PLS3: variants seen among roughly 807,000 people sequenced by gnomAD.
PLS3 encodes plastin-3.
A neutral mutation model predicts 46.5 loss-of-function variants in PLS3; 11 were observed. The observed-to-expected ratio is 0.24, with a 90% CI of 0.15 to 0.39. PLS3 has a LOEUF of 0.39. Ranked by LOEUF, PLS3 falls within the 10% of genes least tolerant of loss-of-function variation. PLS3 has a pLI of 1.00. For missense variants in PLS3, 308 were observed against 461.8 expected (o/e 0.67, Z 3.05); for synonymous variants, 167 against 162.2 (o/e 1.03, Z -0.22).
At chrX:115,566,542 CTGTG>C (rs2074174202) in intron 1 of PLS3, among the ~76,000 whole-genome samples, 1 of 110,716 alleles carries the variant, frequency 9.0e-6, no homozygotes, top group Non-Finnish European at 1.9e-5. Flanking sequence ...GCGCCCGCCA[CTGTG>C]CCCAGCTAGT....
chrX:115,601,464 A>G (rs1192462033), intron 1 of PLS3, among the ~76,000 whole-genome samples: 2 of 97,099 alleles, frequency 2.1e-5, no homozygotes, highest in African/African-American at 9.5e-5. Flanking sequence ...GATCTGATAA[A>G]AAAAAAAAAA....
chrX:115,636,361 C>T (rs2061473936), intron 7 of PLS3, among the ~76,000 whole-genome samples: 1 of 109,878 alleles, frequency 9.1e-6, no homozygotes, highest in Non-Finnish European at 1.9e-5. Context: ...CGCCCGCCAC[C>T]ACGCCCGGCT....
chrX:115,645,935 G>A (rs2147585148), intron 11 of PLS3, 137 bp from the exon 12 acceptor site: 2 of 466,285 alleles, frequency 4.3e-6, no homozygotes, highest in Non-Finnish European at 3.8e-6. Flanking sequence ...TTTCAGCACA[G>A]ATTGATAGAA....
At chrX:115,586,485 A>G (rs1367418417) in intron 1 of PLS3, among the ~76,000 whole-genome samples, 1 of 100,193 alleles carries the variant, frequency 1.0e-5, no homozygotes, top group Non-Finnish European at 2.0e-5. Flanking sequence ...CCTGGCCAAC[A>G]TAGTGAAACC....
At chrX:115,584,340 C>CA (rs2074295470) in intron 1 of PLS3, among the ~76,000 whole-genome samples, 1 of 111,524 alleles carries the variant, frequency 9.0e-6, no homozygotes, top group African/African-American at 3.3e-5. Flanking sequence ...ACAAAACAGA[C>CA]AAAAAATCAC....
chrX:115,600,534 C>T (rs782020554), intron 1 of PLS3, among the ~76,000 whole-genome samples: 3 of 112,145 alleles, frequency 2.7e-5, no homozygotes, highest in African/African-American at 6.5e-5. Flanking sequence ...TGAAATGAGA[C>T]TTGCAAAGCA....
chrX:115,638,158 T>G (rs963550447), intron 8 of PLS3, among the ~76,000 whole-genome samples: 2 of 111,023 alleles, frequency 1.8e-5, no homozygotes, highest in Non-Finnish European at 3.8e-5. Flanking sequence ...TCACTCAGGC[T>G]GGAGTGCAGT....
At chrX:115,599,658 A>C (rs782720549) in intron 1 of PLS3, among the ~76,000 whole-genome samples, 112 of 99,194 alleles carry the variant, frequency 1.1e-3, no homozygotes, top group African/African-American at 4.2e-3. Flanking sequence ...TTTGAGGTGG[A>C]GTCTTGCTGT....
intron 2 of PLS3, chrX:115,621,989 T>A: frequency 3.6e-6 from 1 of 279,558 alleles, no homozygotes; most frequent in East Asian, 6.7e-5. Flanking sequence ...ATTAGCCAAC[T>A]ATGCTTCCTT....
At chrX:115,574,341 C>T (rs782691675) in intron 1 of PLS3, among the ~76,000 whole-genome samples, 40 of 111,989 alleles carry the variant, frequency 3.6e-4, no homozygotes, top group Middle Eastern at 4.6e-3. Context: ...ATCAGGAAAT[C>T]AGTGATTTAT....
At chrX:115,597,275 A>G (rs1556634014) in intron 1 of PLS3, among the ~76,000 whole-genome samples, 1 of 111,861 alleles carries the variant, frequency 8.9e-6, no homozygotes, top group African/African-American at 3.3e-5. Context: ...TAACTTTGCA[A>G]ATAACTCTTC....
chrX:115,643,676 G>T (rs2074920804), intron 10 of PLS3, among the ~76,000 whole-genome samples, 168 bp downstream of exon 10: 1 of 112,275 alleles, frequency 8.9e-6, no homozygotes, highest in African/African-American at 3.2e-5. Flanking sequence ...AACTTTTAAA[G>T]TAAAGTAGTC....
intron 1 of PLS3, among the ~76,000 whole-genome samples, chrX:115,563,053 TCTTA>T (rs2074149854): frequency 9.0e-6 from 1 of 111,530 alleles, no homozygotes; most frequent in Non-Finnish European, 1.9e-5. Context: ...TTAAAAAACA[TCTTA>T]CTAATTATTT....
chrX:115,646,567 T>C (rs184685733), intron 13 of PLS3, 32 bp downstream of exon 13: 15 of 1,163,665 alleles, frequency 1.3e-5, no homozygotes, highest in Middle Eastern at 2.4e-4. Flanking sequence ...GTTTAGTCTT[T>C]ACTATCATAC....
intron 5 of PLS3, among the ~76,000 whole-genome samples, chrX:115,631,183 G>A (rs2074771264): frequency 9.5e-6 from 1 of 105,820 alleles, no homozygotes; most frequent in African/African-American, 3.5e-5. Context: ...AGCCTCCTGA[G>A]TAGCTGGGAC....
At chrX:115,613,137 T>C (rs2074562594) in intron 2 of PLS3, among the ~76,000 whole-genome samples, 1 of 111,991 alleles carries the variant, frequency 8.9e-6, no homozygotes, top group South Asian at 3.7e-4. Flanking sequence ...GTTGCTTTAG[T>C]ACTGCAAACA....
At chrX:115,640,080 CT>C in intron 8 of PLS3, 1 of 1,104,512 alleles carries the variant, frequency 9.1e-7, no homozygotes, top group Non-Finnish European at 1.2e-6. Flanking sequence ...TGCTCTCCTA[CT>C]TTTTTAAATG....
intron 1 of PLS3, among the ~76,000 whole-genome samples, chrX:115,568,014 T>C (rs1338668735): frequency 8.9e-6 from 1 of 112,033 alleles, no homozygotes; most frequent in Non-Finnish European, 1.9e-5. Context: ...ATTCTGCTGT[T>C]GACACTGAAA....
chrX:115,577,423 T>G (rs1242469157), intron 1 of PLS3, among the ~76,000 whole-genome samples: 4 of 111,634 alleles, frequency 3.6e-5, no homozygotes, highest in African/African-American at 9.8e-5. Context: ...TATCCAAAAG[T>G]TTTTGAAAAC....
Sources: allele counts gnomAD v4.1 joint callset (sites outside exome capture counted in the v4.1 genomes callset), GRCh38; gene constraint gnomAD v4.1.1; transcripts MANE v1.5; gene names NCBI Gene and HGNC (gene_info 2026-07-23, HGNC 2026-07-21).